Variants in SV2C observed in about 807,000 individuals in gnomAD.
The protein encoded by SV2C is synaptic vesicle glycoprotein 2C.
SV2C carries 49 observed loss-of-function variants against 79.7 expected under a neutral mutation model. The ratio of observed to expected loss-of-function variants is 0.61; its 90% CI spans 0.49 to 0.78. The LOEUF is 0.78. Ranked by LOEUF, SV2C falls within the 30% of genes least tolerant of loss-of-function variation. The probability of loss-of-function intolerance (pLI) is 0.00; values close to 1 mark genes in which losing one functional copy is unlikely to be tolerated. For missense variants in SV2C, 833 were observed against 912.9 expected (o/e 0.91, Z 1.13); for synonymous variants, 334 against 333.2 (o/e 1.00, Z -0.03).
At chr5:76,034,620 G>A in the SV2C span, among the ~76,000 whole-genome samples, 1 of 152,162 alleles carries the variant, frequency 6.6e-6, no homozygotes, top group Admixed American at 6.5e-5. Context: ...TGGTGGATAA[G>A]CTTTTCGATG....
chr5:75,857,923 G>C, the SV2C span, among the ~76,000 whole-genome samples: 1 of 152,160 alleles, frequency 6.6e-6, no homozygotes, highest in African/African-American at 2.4e-5. Flanking sequence ...TGTTGGCATA[G>C]AGAAATGCTA....
intron 1 of SV2C, among the ~76,000 whole-genome samples, chr5:76,100,256 A>G (rs921761120): frequency 1.3e-5 from 2 of 152,220 alleles, no homozygotes; most frequent in African/African-American, 4.8e-5. Flanking sequence ...AATAAATGCA[A>G]CTTCACAGTA....
chr5:75,998,482 G>T, the SV2C span, among the ~76,000 whole-genome samples: 1 of 152,072 alleles, frequency 6.6e-6, no homozygotes. Flanking sequence ...CAACTGGGTG[G>T]CATCCTAGCC....
the SV2C span, among the ~76,000 whole-genome samples, chr5:75,932,748 T>C: frequency 2.0e-5 from 3 of 152,298 alleles, no homozygotes; most frequent in East Asian, 5.8e-4. Context: ...AACCAACAAC[T>C]TCTAGAAGTG....
At chr5:75,906,072 C>G in the SV2C span, among the ~76,000 whole-genome samples, 6 of 151,562 alleles carry the variant, frequency 4.0e-5, no homozygotes, top group African/African-American at 1.2e-4. Flanking sequence ...CTAAAGAACA[C>G]CAAGGACTGC....
the SV2C span, among the ~76,000 whole-genome samples, chr5:76,056,136 A>C: frequency 1.3e-5 from 2 of 152,144 alleles, no homozygotes; most frequent in African/African-American, 2.4e-5. Flanking sequence ...GGGTTTGTCA[A>C]AAATAACTCT....
At chr5:75,962,038 C>G in the SV2C span, among the ~76,000 whole-genome samples, 1 of 152,100 alleles carries the variant, frequency 6.6e-6, no homozygotes, top group African/African-American at 2.4e-5. Context: ...TTAGCAGTGA[C>G]ACAGCCCACA....
At chr5:75,873,508 A>G in the SV2C span, among the ~76,000 whole-genome samples, 5 of 152,280 alleles carry the variant, frequency 3.3e-5, no homozygotes, top group South Asian at 1.0e-3. Flanking sequence ...TCTATTTGGA[A>G]ATTTACATTA....
At chr5:76,011,463 T>C in the SV2C span, among the ~76,000 whole-genome samples, 1 of 152,180 alleles carries the variant, frequency 6.6e-6, no homozygotes, top group Admixed American at 6.5e-5. Flanking sequence ...CTGAACTCTG[T>C]GCTTTTAAAC....
At chr5:75,993,939 G>T in the SV2C span, among the ~76,000 whole-genome samples, 1 of 152,154 alleles carries the variant, frequency 6.6e-6, no homozygotes. Flanking sequence ...AAAGCACAAA[G>T]AATTTTTCAA....
At chr5:76,049,762 A>G in the SV2C span, among the ~76,000 whole-genome samples, 1 of 152,156 alleles carries the variant, frequency 6.6e-6, no homozygotes, top group Admixed American at 6.5e-5. Context: ...AGCAAAGAAA[A>G]CCAGTGTTTC....
At chr5:76,075,696 C>A in the SV2C span, 1 of 351,708 alleles carries the variant, frequency 2.8e-6, no homozygotes, top group East Asian at 9.5e-5. Context: ...TAAAAGAAGT[C>A]TACCCAGAAG....
chr5:76,160,747 A>G (rs1742874702), intron 2 of SV2C, among the ~76,000 whole-genome samples: 1 of 152,220 alleles, frequency 6.6e-6, no homozygotes, highest in African/African-American at 2.4e-5. Context: ...TCTCCAAGAA[A>G]TATTTTCAAA....
At chr5:75,889,104 T>C in the SV2C span, among the ~76,000 whole-genome samples, 1 of 152,124 alleles carries the variant, frequency 6.6e-6, no homozygotes, top group East Asian at 1.9e-4. Context: ...TTTTTTATTT[T>C]ACTTTAAGTT....
At chr5:76,223,444 C>CATATATATATATAT (rs70979384) in intron 4 of SV2C, among the ~76,000 whole-genome samples, 15 of 45,758 alleles carry the variant, frequency 3.3e-4, no homozygotes, top group East Asian at 8.4e-4. Flanking sequence ...TACATACATA[C>CATATATATATATAT]ATATATATAT....
At chr5:76,024,098 G>GT in the SV2C span, among the ~76,000 whole-genome samples, 3 of 152,084 alleles carry the variant, frequency 2.0e-5, no homozygotes, top group African/African-American at 7.2e-5. Context: ...GTTATTTTCT[G>GT]TTTTTTCCTT....
intron 4 of SV2C, among the ~76,000 whole-genome samples, chr5:76,280,665 C>T (rs931282324): frequency 6.6e-6 from 1 of 152,156 alleles, no homozygotes; most frequent in Non-Finnish European, 1.5e-5. Context: ...TGGCCGGCTC[C>T]GAGGTGGCCT....
At chr5:76,268,568 C>T (rs138289399) in intron 4 of SV2C, among the ~76,000 whole-genome samples, 2 of 152,180 alleles carry the variant, frequency 1.3e-5, no homozygotes, top group Non-Finnish European at 1.5e-5. Flanking sequence ...TGAGGACTCA[C>T]GGGAATTTTG....
chr5:76,190,648 C>G (rs1035047728), intron 2 of SV2C, among the ~76,000 whole-genome samples: 1 of 152,246 alleles, frequency 6.6e-6, no homozygotes, highest in African/African-American at 2.4e-5. Flanking sequence ...GGTCCAAAGA[C>G]TAGGGTTTGG....
Sources: gnomAD v4.1 joint callset for allele counts (sites outside exome capture counted in the v4.1 genomes callset) on GRCh38, gnomAD v4.1.1 for gene constraint, MANE v1.5 for transcripts, NCBI Gene and HGNC (gene_info 2026-07-23, HGNC 2026-07-21) for gene names.